The following GALNT17 variants were observed in gnomAD, a reference collection of about 807,000 sequenced individuals.
GALNT17 encodes the protein polypeptide N-acetylgalactosaminyltransferase 17.
A neutral mutation model predicts 63.7 loss-of-function variants in GALNT17; 29 were observed. The ratio of observed to expected loss-of-function variants is 0.46; its 90% CI spans 0.34 to 0.62. The LOEUF is 0.62. Ranked by LOEUF, GALNT17 falls within the 20% of genes least tolerant of loss-of-function variation. The pLI is 0.01. For missense variants in GALNT17, 603 were observed against 799.6 expected (o/e 0.75, Z 2.97); for synonymous variants, 305 against 318.3 (o/e 0.96, Z 0.45).
chr7:71,221,512 TCTC>T (rs1035517288), intron 1 of GALNT17, among the ~76,000 whole-genome samples: 5 of 151,774 alleles, frequency 3.3e-5, no homozygotes, highest in African/African-American at 4.8e-5. Context: ...TCGGCTGACT[TCTC>T]CTTCATTTCT....
intron 6 of GALNT17, among the ~76,000 whole-genome samples, chr7:71,615,346 C>T (rs1790185410): frequency 6.6e-6 from 1 of 152,250 alleles, no homozygotes; most frequent in Middle Eastern, 3.4e-3. Flanking sequence ...CCTCCATCTG[C>T]CAGCGAGACC....
At chr7:71,597,027 A>G (rs1789896739) in intron 6 of GALNT17, among the ~76,000 whole-genome samples, 1 of 151,902 alleles carries the variant, frequency 6.6e-6, no homozygotes, top group African/African-American at 2.4e-5. Flanking sequence ...ATCTCTACAA[A>G]AAAAGGGTTT....
At position 71,321,211 on chromosome 7, in the gene GALNT17, C is replaced by G. The variant is rs144037512; in HGVS notation, c.239-14339C>G. Among the ~76,000 whole-genome samples the G allele has an allele frequency of 5.5e-4, 83 of 152,256 alleles. 2 individuals carry two copies. Among genetic ancestry groups the G allele is most frequent in the African/African-American group, 1.9e-3 (81 of 41,540 alleles). On this transcript the variant is annotated intron_variant, in intron 1 of 10. Transcript: ENST00000333538. The stretch of plus-strand genomic sequence containing the variant: ...CCTGCTCCTAGATCAGCCTTTTTCC[C>G]CCTTGTGCAGCTTTATAAATGCTAG...
chr7:71,384,746 A>T (rs1195824518), intron 2 of GALNT17, among the ~76,000 whole-genome samples: 2 of 152,160 alleles, frequency 1.3e-5, no homozygotes, highest in African/African-American at 2.4e-5. Context: ...TCTAAAGCTT[A>T]CAAGATTTCT....
At chr7:71,602,812 A>G (rs1789984824) in intron 6 of GALNT17, among the ~76,000 whole-genome samples, 1 of 152,166 alleles carries the variant, frequency 6.6e-6, no homozygotes, top group Non-Finnish European at 1.5e-5. Context: ...CTCCTTCACT[A>G]CTTCTGCCAC....
At chr7:71,410,205 T>C (rs1793405386) in intron 3 of GALNT17, among the ~76,000 whole-genome samples, 1 of 151,894 alleles carries the variant, frequency 6.6e-6, no homozygotes, top group African/African-American at 2.4e-5. Context: ...CTGAATGTGC[T>C]GCACGCTTGG....
chr7:71,647,855 T>C (rs1790702315), intron 6 of GALNT17, among the ~76,000 whole-genome samples: 1 of 152,274 alleles, frequency 6.6e-6, no homozygotes, highest in African/African-American at 2.4e-5. Context: ...TGGGGGGCCG[T>C]CTAGTGAGAC....
intron 6 of GALNT17, among the ~76,000 whole-genome samples, chr7:71,658,386 T>C (rs978335598): frequency 3.9e-5 from 6 of 152,164 alleles, no homozygotes; most frequent in Non-Finnish European, 7.3e-5. Context: ...AGCAGAACAA[T>C]GTGTCCTGCC....
chr7:71,232,440 G>A (rs1421933591), intron 1 of GALNT17, among the ~76,000 whole-genome samples: 2 of 152,034 alleles, frequency 1.3e-5, no homozygotes, highest in Non-Finnish European at 2.9e-5. Context: ...CCAAAGCAGT[G>A]GGGAGTAGGG....
chr7:71,440,163 C>T (rs1253100458), intron 5 of GALNT17, among the ~76,000 whole-genome samples: 1 of 151,878 alleles, frequency 6.6e-6, no homozygotes, highest in South Asian at 2.1e-4. Flanking sequence ...CTCCTGACCT[C>T]GAGTGATCCA....
At chr7:71,209,650 C>T (rs1016887863) in intron 1 of GALNT17, among the ~76,000 whole-genome samples, 4 of 152,142 alleles carry the variant, frequency 2.6e-5, no homozygotes, top group Non-Finnish European at 5.9e-5. Context: ...TGTGCATCAC[C>T]ATGCCTGGTT....
intron 5 of GALNT17, among the ~76,000 whole-genome samples, chr7:71,537,467 A>G (rs1788819913): frequency 6.6e-6 from 1 of 152,116 alleles, no homozygotes; most frequent in Admixed American, 6.6e-5. Flanking sequence ...TGAGATAATG[A>G]GCATCTGAGA....
At chr7:71,562,187 A>T (rs1396644717) in intron 5 of GALNT17, among the ~76,000 whole-genome samples, 1 of 151,286 alleles carries the variant, frequency 6.6e-6, no homozygotes, top group Non-Finnish European at 1.5e-5. Flanking sequence ...CTGTTCTCAA[A>T]CTCCTGGACT....
chr7:71,477,425 G>A (rs1025432801), intron 5 of GALNT17, among the ~76,000 whole-genome samples: 2 of 152,192 alleles, frequency 1.3e-5, no homozygotes, highest in African/African-American at 2.4e-5. Flanking sequence ...GTCACTGATC[G>A]TTTCGAGGTT....
intron 6 of GALNT17, among the ~76,000 whole-genome samples, chr7:71,571,777 G>A (rs570428575): frequency 1.4e-4 from 21 of 152,254 alleles, no homozygotes; most frequent in African/African-American, 4.3e-4. Context: ...ACTTTGGGAG[G>A]CCACGGTGGT....
intron 6 of GALNT17, among the ~76,000 whole-genome samples, chr7:71,650,045 T>C (rs1790733254): frequency 6.6e-6 from 1 of 152,236 alleles, no homozygotes; most frequent in African/African-American, 2.4e-5. Context: ...CCATGCTGGC[T>C]GAGCAGTGCT....
intron 1 of GALNT17, among the ~76,000 whole-genome samples, chr7:71,186,644 G>A (rs373749856): frequency 2.0e-5 from 3 of 152,134 alleles, no homozygotes; most frequent in Admixed American, 2.0e-4. Context: ...ATCAACTCTG[G>A]AGGTGACAGA....
intron 1 of GALNT17, among the ~76,000 whole-genome samples, chr7:71,241,223 TC>T: frequency 6.6e-6 from 1 of 152,226 alleles, no homozygotes; most frequent in Admixed American, 6.5e-5. Context: ...CTTTCTCTCC[TC>T]CCTGGTTTGG....
chr7:71,636,325 G>C (rs1790528358), intron 6 of GALNT17, among the ~76,000 whole-genome samples: 1 of 152,190 alleles, frequency 6.6e-6, no homozygotes, highest in African/African-American at 2.4e-5. Context: ...GAACACTGCA[G>C]TTCTCTGGGG....
Sources: gnomAD v4.1 joint callset for allele counts (sites outside exome capture counted in the v4.1 genomes callset) on GRCh38, gnomAD v4.1.1 for gene constraint, MANE v1.5 for transcripts, NCBI Gene and HGNC (gene_info 2026-07-23, HGNC 2026-07-21) for gene names.